Variants in PLA2G7 observed in about 807,000 individuals in gnomAD.
PLA2G7 encodes phospholipase A2 group VII.
PLA2G7 carries 63 observed loss-of-function variants against 49.6 expected under a neutral mutation model. The ratio of observed to expected loss-of-function variants is 1.27; its 90% confidence interval spans 1.04 to 1.57. The LOEUF (loss-of-function observed/expected upper bound fraction) is 1.57, where lower values mean the gene tolerates loss of function less well. Among genes scored for constraint, PLA2G7 ranks in the 40% most tolerant of loss-of-function variants. The pLI, the probability that PLA2G7 is intolerant of heterozygous loss-of-function variation, is 0.00. For missense variants in PLA2G7, 596 were observed against 521.2 expected (o/e 1.14, Z -1.40); for synonymous variants, 193 against 169.9 (o/e 1.14, Z -1.06).
chr6:46,718,738 T>A (rs1765296051), intron 2 of PLA2G7, among the ~76,000 whole-genome samples: 1 of 152,240 alleles, frequency 6.6e-6, no homozygotes, highest in Non-Finnish European at 1.5e-5. Flanking sequence ...ATTACATAGA[T>A]TCTATGTGCA....
At chr6:46,716,245 G>T in intron 4 of PLA2G7, 139 bp downstream of exon 4, 1 of 831,760 alleles carries the variant, frequency 1.2e-6, no homozygotes, top group Non-Finnish European at 2.0e-6. Context: ...GGGCTTTAAA[G>T]AAATACTTTC....
chr6:46,722,887 A>G lies in PLA2G7; in HGVS notation c.5T>C (p.Val2Ala), dbSNP rs750124388. The G allele has an allele frequency of 6.2e-7, 1 of 1,607,090 alleles. No individual in the cohort carries two copies. Among genetic ancestry groups the G allele is most frequent in the Non-Finnish European group, 8.5e-7 (1 of 1,173,868 alleles). Residue 2 changes from valine to alanine, a missense_variant, in exon 2 of 12, where the codon GTG becomes GCG. Coordinates refer to ENST00000274793, the MANE Select transcript of PLA2G7 (RefSeq NM_005084.4). ...GAAAAGCACATGCAATTTGGGTGGC[A>G]CCATCTTGGGAGCTGAGCAGCAGTT... M[V>A]PPKLHVLFCL...
intron 8 of PLA2G7, 35 bp downstream of exon 8, chr6:46,710,510 G>A (rs755241376): frequency 7.8e-7 from 1 of 1,279,852 alleles, no homozygotes; most frequent in Admixed American, 1.7e-5. Flanking sequence ...ATAAAGAACT[G>A]TAGGACAAGA....
intron 4 of PLA2G7, among the ~76,000 whole-genome samples, chr6:46,714,888 A>C (rs902231103): frequency 6.6e-6 from 1 of 151,616 alleles, no homozygotes; most frequent in Non-Finnish European, 1.5e-5. Flanking sequence ...AGCATGCGCC[A>C]CCACGCCTGG....
At chr6:46,732,402 C>CA (rs57825043) in intron 1 of PLA2G7, among the ~76,000 whole-genome samples, 49 of 147,544 alleles carry the variant, frequency 3.3e-4, no homozygotes, top group African/African-American at 1.2e-3. Context: ...CACACACACA[C>CA]CACTATACTG....
At position 46,704,576 on chromosome 6, in the gene PLA2G7, A is replaced by G. The variant is rs1259027448; in HGVS notation, c.1310T>C (p.Ile437Thr). 2 of 1,591,820 alleles carry G rather than the reference A, an allele frequency of 1.3e-6. No homozygotes were observed. The highest frequency in any genetic ancestry group is 1.3e-5 in the African/African-American group (1 of 74,384). Residue 437 changes from isoleucine (I) to threonine (T), a missense_variant, in exon 12 of 12, where the codon ATA becomes ACA. By Grantham distance (89) the Ile-to-Thr change is moderately conservative. Coordinates refer to ENST00000274793, the MANE Select transcript of PLA2G7 (RefSeq NM_005084.4). ...QHIMLQNSSG[I>T]EKYN ...ATTTTAATCCTAATTGTATTTCTCTATTCCTGAAGAGTTCTGTAACATGAT... is the reference window on the plus strand; with the variant it reads ...ATTTTAATCCTAATTGTATTTCTCTGTTCCTGAAGAGTTCTGTAACATGAT...
intron 10 of PLA2G7, among the ~76,000 whole-genome samples, chr6:46,706,270 A>C (rs533022842): frequency 2.1e-4 from 32 of 152,306 alleles, no homozygotes; most frequent in African/African-American, 7.0e-4. Flanking sequence ...TTAGTCATCT[A>C]AGCTCAAAAC....
intron 1 of PLA2G7, among the ~76,000 whole-genome samples, chr6:46,734,413 TGTGAGA>T (rs1765831595): frequency 1.8e-5 from 1 of 56,720 alleles, no homozygotes; most frequent in Non-Finnish European, 2.8e-5. Flanking sequence ...TGTGTGTGTG[TGTGAGA>T]GAGAGAGAGA....
At chr6:46,727,289 A>G (rs1765605309) in intron 1 of PLA2G7, among the ~76,000 whole-genome samples, 1 of 152,212 alleles carries the variant, frequency 6.6e-6, no homozygotes, top group South Asian at 2.1e-4. Context: ...AACAAAAGAC[A>G]ACCCAAAACA....
chr6:46,731,281 A>G (rs1765727662), intron 1 of PLA2G7, among the ~76,000 whole-genome samples: 1 of 152,222 alleles, frequency 6.6e-6, no homozygotes, highest in Admixed American at 6.5e-5. Flanking sequence ...CCTCTGAGAG[A>G]GAATGCTTCA....
At chr6:46,712,001 C>T (rs1051479151) in intron 6 of PLA2G7, among the ~76,000 whole-genome samples, 1 of 152,094 alleles carries the variant, frequency 6.6e-6, no homozygotes, top group Non-Finnish European at 1.5e-5. Context: ...TAATAACCAT[C>T]TCATAGGATT....
At chr6:46,734,415 TGA>T (rs70996386) in intron 1 of PLA2G7, among the ~76,000 whole-genome samples, 4 of 54,300 alleles carry the variant, frequency 7.4e-5, no homozygotes, top group South Asian at 8.8e-4. Flanking sequence ...TGTGTGTGTG[TGA>T]GAGAGAGAGA....
At chr6:46,728,702 G>T (rs1472922109) in intron 1 of PLA2G7, among the ~76,000 whole-genome samples, 1 of 152,180 alleles carries the variant, frequency 6.6e-6, no homozygotes, top group Non-Finnish European at 1.5e-5. Context: ...GTAAGTTCCT[G>T]ATCTTACTCT....
chr6:46,734,864 A>AGAG (rs1562084166), intron 1 of PLA2G7, among the ~76,000 whole-genome samples: 2 of 151,642 alleles, frequency 1.3e-5, no homozygotes, highest in Non-Finnish European at 2.9e-5. Flanking sequence ...GAGAGAGAGA[A>AGAG]AAAAAAGAAA....
At chr6:46,725,393 G>A (rs952948708) in intron 1 of PLA2G7, among the ~76,000 whole-genome samples, 8 of 151,966 alleles carry the variant, frequency 5.3e-5, no homozygotes, top group East Asian at 3.9e-4. Flanking sequence ...CTCCATGCCC[G>A]GCTAATTTTT....
intron 2 of PLA2G7, 108 bp from the exon 3 acceptor site, chr6:46,717,204 C>T: frequency 1.0e-6 from 1 of 1,001,180 alleles, no homozygotes; most frequent in South Asian, 1.3e-5. Flanking sequence ...TTCTGGCCTT[C>T]TTTCTTTCTC....
intron 10 of PLA2G7, among the ~76,000 whole-genome samples, chr6:46,706,608 C>T (rs187122837): frequency 3.2e-4 from 48 of 152,118 alleles, no homozygotes; most frequent in Admixed American, 3.1e-3. Context: ...TTTGGCATGC[C>T]CGTGGGGGCC....
intron 5 of PLA2G7, among the ~76,000 whole-genome samples, chr6:46,712,747 A>G (rs1436563570): frequency 6.6e-6 from 1 of 152,198 alleles, no homozygotes; most frequent in Non-Finnish European, 1.5e-5. Flanking sequence ...TCCCAGCTAT[A>G]TGATTTTAGG....
chr6:46,709,434 T>C lies in PLA2G7; in HGVS notation c.778-16A>G. 2 of 1,373,452 alleles carry C rather than the reference T, an allele frequency of 1.5e-6. No individual in the cohort carries two copies. Among genetic ancestry groups the C allele is most frequent in the Admixed American group, 1.7e-5 (1 of 59,650 alleles). The allele number at this position is 1,373,452 out of a possible 1,614,324, so 85.1% of individuals were successfully genotyped here. A position where few individuals can be genotyped will look rare whatever the true frequency, so the allele number is the denominator to read the frequency against. ...CAATAGAGTCCTATTTGAAAAAGCA[T>C]GATATAAATTTATAGCTATTTCGTG... On this transcript the variant is annotated splice_polypyrimidine_tract_variant and intron_variant, in intron 8 of 11. Transcript: ENST00000274793.
Sources: gnomAD v4.1 joint callset for allele counts (sites outside exome capture counted in the v4.1 genomes callset) on GRCh38, gnomAD v4.1.1 for gene constraint, MANE v1.5 for transcripts, NCBI Gene and HGNC (gene_info 2026-07-23, HGNC 2026-07-21) for gene names.